The following VAV2 variants were observed in gnomAD, a reference collection of about 807,000 sequenced individuals.
The protein encoded by VAV2 is vav guanine nucleotide exchange factor 2.
In VAV2, 67 loss-of-function variants were observed where a neutral mutation model predicts 132.5. The observed-to-expected ratio is 0.51, with a 90% CI of 0.42 to 0.62. The LOEUF is 0.62. VAV2 is among the 20% of genes least tolerant of loss of function. The probability of loss-of-function intolerance (pLI) is 0.00; values close to 1 mark genes in which losing one functional copy is unlikely to be tolerated. For missense variants in VAV2, 938 were observed against 1,153.6 expected, an observed-to-expected ratio of 0.81 and a Z score of 2.71; for synonymous variants, 492 against 443.5, an observed-to-expected ratio of 1.11 and a Z score of -1.37.
intron 25 of VAV2, among the ~76,000 whole-genome samples, chr9:133,772,474 C>T (rs694913): frequency 0.37 from 56,790 of 152,086 alleles, 11,208 homozygotes; most frequent in Non-Finnish European, 0.44. Flanking sequence ...TCAGAGGTGC[C>T]GAGCGCAAGC....
intron 1 of VAV2, among the ~76,000 whole-genome samples, chr9:133,953,464 C>G (rs144499767): frequency 6.6e-6 from 1 of 152,352 alleles, no homozygotes; most frequent in African/African-American, 2.4e-5. Flanking sequence ...ATGCCCTGCA[C>G]CCCGGCTCGG....
chr9:133,773,325 G>A (rs2131576807), intron 25 of VAV2, among the ~76,000 whole-genome samples: 1 of 152,358 alleles, frequency 6.6e-6, no homozygotes, highest in South Asian at 2.1e-4. Flanking sequence ...AAACAGGACA[G>A]CTGTATGGGG....
rs114251614 is a variant in VAV2 at position 133,812,258 on chromosome 9, G to A, written c.450-42C>T. Reference sequence around the variant, plus strand: ...GGGTTAGAGGGGAGGGGAGGCTCCCGCCACCCTGACCGGGGAGCCGCAGAG... The same window carrying A: ...GGGTTAGAGGGGAGGGGAGGCTCCCACCACCCTGACCGGGGAGCCGCAGAG... On this transcript the variant is annotated intron_variant, in intron 4 of 29. Coordinates refer to ENST00000371850, the MANE Select transcript of VAV2 (RefSeq NM_001134398.2). 3.7e-4 allele frequency: 584 copies of A among 1,580,788 alleles called. 5 individuals are homozygous for A. In the African/African-American group the frequency reaches 6.3e-3, roughly 17 times the overall value.
intron 3 of VAV2, among the ~76,000 whole-genome samples, chr9:133,860,704 C>T (rs1470346135): frequency 6.6e-6 from 1 of 152,190 alleles, no homozygotes; most frequent in African/African-American, 2.4e-5. Flanking sequence ...CCAAGGGTCT[C>T]CCAGACACAC....
At chr9:133,967,500 G>T (rs1842182843) in intron 1 of VAV2, among the ~76,000 whole-genome samples, 1 of 152,160 alleles carries the variant, frequency 6.6e-6, no homozygotes, top group African/African-American at 2.4e-5. Context: ...ATCAGTGAAT[G>T]AATGGATAAA....
At chr9:133,870,948 ATGGGTAGACGGGTGGGTGGG>A (rs1173540412) in intron 2 of VAV2, among the ~76,000 whole-genome samples, 3 of 25,112 alleles carry the variant, frequency 1.2e-4, no homozygotes, top group Admixed American at 5.9e-4. Context: ...GGATGGGCAG[ATGGGTAGACGGGTGGGTGGG>A]TGGGTAGATG....
rs949103407 is a variant in VAV2 at position 133,769,920 on chromosome 9, C to T, written c.2348-417G>A. On this transcript the variant is annotated intron_variant, in intron 27 of 29. Coordinates refer to ENST00000371850, the MANE Select transcript of VAV2 (RefSeq NM_001134398.2). This position sits in a 1 kb window ranked among gnomAD's most constrained non-coding sequence, Gnocchi z 8.1. ...AGTCCTGAGCGGGAAGCCGCATGCT[C>T]GGGGCCTGCCCCTGCCCCTGATTCC... is the stretch of plus-strand genomic sequence containing the variant. Among the ~76,000 whole-genome samples the T allele has an allele frequency of 6.6e-6, 1 of 152,214 alleles. No individual in the cohort carries two copies. Among genetic ancestry groups the T allele is most frequent in the African/African-American group, 2.4e-5 (1 of 41,468 alleles).
Position 133,944,268 on chromosome 9 carries a change from G to T in VAV2, c.205-5049C>A, listed in dbSNP as rs574970891. Among the ~76,000 whole-genome samples, 10 of 152,258 alleles carry T rather than the reference G, an allele frequency of 6.6e-5. 1 individual carries two copies. Among genetic ancestry groups the T allele is most frequent in the African/African-American group, 2.2e-4 (9 of 41,536 alleles). Reference sequence around the variant, plus strand: ...CTTCCACTGCCCCTTACTGGCAACGGGTCACCGGCAGTGCTGGAGTGGGAA... The same window carrying T: ...CTTCCACTGCCCCTTACTGGCAACGTGTCACCGGCAGTGCTGGAGTGGGAA... On this transcript the variant is annotated intron_variant, in intron 1 of 29. Transcript: ENST00000371850.
At chr9:133,939,300 G>A in intron 1 of VAV2, 81 bp from the exon 2 acceptor site, 2 of 1,226,052 alleles carry the variant, frequency 1.6e-6, no homozygotes, top group Non-Finnish European at 2.4e-6. Flanking sequence ...AGCAACAGCA[G>A]CAAGCTCTGG....
rs111654756 is a variant in VAV2 at position 133,981,336 on chromosome 9, G to A, written c.204+10739C>T. Among the ~76,000 whole-genome samples, 597 of 152,308 alleles carry A rather than the reference G, an allele frequency of 3.9e-3. 3 individuals are homozygous for A. Among genetic ancestry groups the A allele is most frequent in the African/African-American group, 0.014 (573 of 41,564 alleles). On this transcript the variant is annotated intron_variant, in intron 1 of 29. Coordinates refer to ENST00000371850, the MANE Select transcript of VAV2 (RefSeq NM_001134398.2). ...CTATACCCGTGCAGTGTCCAGGTGC[G>A]CCCAGCAGCGCGCCCAGGGCTTCAC... is the stretch of plus-strand genomic sequence containing the variant.
intron 3 of VAV2, among the ~76,000 whole-genome samples, chr9:133,838,617 G>A (rs1203877083): frequency 1.4e-5 from 2 of 147,616 alleles, no homozygotes; most frequent in African/African-American, 5.0e-5. Context: ...ATGTATGGGT[G>A]TATGGGTAAG....
At position 133,840,047 on chromosome 9, in the gene VAV2, A is replaced by G. The variant is rs1836656961; in HGVS notation, c.381-5707T>C. Reference sequence around the variant, plus strand: ...GATTTTCCTTCCCGCACTTACCCCTAGCGTCCCCTACCCACACCTTGCCCT... The same window carrying G: ...GATTTTCCTTCCCGCACTTACCCCTGGCGTCCCCTACCCACACCTTGCCCT... On this transcript the variant is annotated intron_variant, in intron 3 of 29. Transcript: ENST00000371850. This position sits in a 1 kb window ranked among gnomAD's most constrained non-coding sequence, Gnocchi z 4.5. 6.6e-6 allele frequency among the ~76,000 whole-genome samples: 1 copy of G among 151,364 alleles called. No individual in the cohort carries two copies. Among genetic ancestry groups the G allele is most frequent in the Non-Finnish European group, 1.5e-5 (1 of 67,838 alleles).
At chr9:133,971,055 A>T (rs926200741) in intron 1 of VAV2, among the ~76,000 whole-genome samples, 16 of 152,170 alleles carry the variant, frequency 1.1e-4, no homozygotes, top group Non-Finnish European at 1.5e-5. Flanking sequence ...GTATCTCAGG[A>T]GCCCGCGGTG....
intron 1 of VAV2, among the ~76,000 whole-genome samples, chr9:133,963,194 C>T (rs575805837): frequency 6.6e-6 from 1 of 152,268 alleles, no homozygotes; most frequent in Admixed American, 6.5e-5. Context: ...GACCCAGCAC[C>T]AGGAGGCTCT....
Position 133,939,201 on chromosome 9 carries a change from T to C in VAV2, c.223A>G (p.Ile75Val), listed in dbSNP as rs2132135636. Residue 75 changes from isoleucine to valine, a missense_variant, in exon 2 of 30, where the codon ATA becomes GTA. Ile to Val is a conservative substitution (Grantham distance 29). Coordinates refer to ENST00000371850, the MANE Select transcript of VAV2 (RefSeq NM_001134398.2). ...TGGCAGACTTTCAGGAAGGTGCGTATGTTCTTCAAACACAGAAACTAAAGG... is the reference window on the plus strand; with the variant it reads ...TGGCAGACTTTCAGGAAGGTGCGTACGTTCTTCAAACACAGAAACTAAAGG... ...QMSQFLCLKN[I>V]RTFLKVCHDK... The C allele has an allele frequency of 3.1e-6, 5 of 1,614,230 alleles. No homozygotes were observed. The highest frequency in any genetic ancestry group is 1.1e-5 in the South Asian group (1 of 91,084).
At position 133,818,395 on chromosome 9, in the gene VAV2, T is replaced by C; in HGVS notation, c.450-6179A>G. Among the ~76,000 whole-genome samples, 2 of 149,692 alleles carry C rather than the reference T, an allele frequency of 1.3e-5. 1 individual carries two copies. The highest frequency in any genetic ancestry group is 3.0e-5 in the Non-Finnish European group (2 of 67,682). Reference sequence around the variant, plus strand: ...AAAAAAAAAAAAAAATGGGTGGACTTGCTCTCTTCTGAAGTTGAGACATCC... The same window carrying C: ...AAAAAAAAAAAAAAATGGGTGGACTCGCTCTCTTCTGAAGTTGAGACATCC... On this transcript the variant is annotated intron_variant, in intron 4 of 29. Transcript: ENST00000371850.
At chr9:133,923,646 T>C (rs1325444988) in intron 2 of VAV2, among the ~76,000 whole-genome samples, 2 of 152,208 alleles carry the variant, frequency 1.3e-5, no homozygotes, top group South Asian at 2.1e-4. Flanking sequence ...ACTGGGTATA[T>C]ACTCAAAGGA....
intron 3 of VAV2, among the ~76,000 whole-genome samples, chr9:133,858,431 T>C (rs1307809692): frequency 6.6e-6 from 1 of 152,130 alleles, no homozygotes; most frequent in Non-Finnish European, 1.5e-5. Context: ...TGCAGAAGGC[T>C]CTATGGGGAG....
chr9:133,773,830 G>A (rs751139762), intron 25 of VAV2, among the ~76,000 whole-genome samples: 15 of 152,106 alleles, frequency 9.9e-5, no homozygotes, highest in Admixed American at 6.5e-5. Context: ...CATGTATTAC[G>A]ATGATCACAT....
Sources: allele counts gnomAD v4.1 joint callset (sites outside exome capture counted in the v4.1 genomes callset), GRCh38; gene constraint gnomAD v4.1.1; non-coding constraint Gnocchi (gnomAD v3.1); transcripts MANE v1.5; gene names NCBI Gene and HGNC (gene_info 2026-07-23, HGNC 2026-07-21).